ULK4: variants seen among roughly 807,000 people sequenced by gnomAD.
ULK4 encodes the protein inactive serine/threonine-protein kinase ULK4.
A neutral mutation model predicts 160.6 loss-of-function variants in ULK4; 133 were observed. The observed-to-expected ratio is 0.83, with a 90% CI of 0.72 to 0.96. ULK4 has a LOEUF of 0.96. Ranked by LOEUF, ULK4 falls within the 40% of genes least tolerant of loss-of-function variation. ULK4 has a pLI of 0.00. For synonymous variants in ULK4, 534 were observed against 539.8 expected, an observed-to-expected ratio of 0.99 and a Z score of 0.15; for missense variants, 1,580 against 1,499.5, an observed-to-expected ratio of 1.05 and a Z score of -0.89.
At chr3:41,830,405 C>G (rs1257247052) in intron 18 of ULK4, among the ~76,000 whole-genome samples, 3 of 151,744 alleles carry the variant, frequency 2.0e-5, no homozygotes, top group Admixed American at 2.0e-4. Context: ...AAAACGAAAA[C>G]AAGTCTATAT....
intron 31 of ULK4, among the ~76,000 whole-genome samples, chr3:41,597,809 T>A (rs1044825218): frequency 6.6e-6 from 1 of 152,190 alleles, no homozygotes; most frequent in African/African-American, 2.4e-5. Flanking sequence ...AGAGATTTTT[T>A]GGGAGGGGAG....
chr3:41,946,296 C>T (rs749296433), intron 2 of ULK4, among the ~76,000 whole-genome samples: 2 of 152,128 alleles, frequency 1.3e-5, no homozygotes, highest in Non-Finnish European at 2.9e-5. Flanking sequence ...CAAAAAAGTA[C>T]ATACCATAGG....
chr3:41,251,472 G>T (rs2078741531), intron 35 of ULK4, among the ~76,000 whole-genome samples: 1 of 152,174 alleles, frequency 6.6e-6, no homozygotes, highest in Non-Finnish European at 1.5e-5. Flanking sequence ...AATAGGAGAG[G>T]ACACTGAATT....
intron 22 of ULK4, among the ~76,000 whole-genome samples, chr3:41,736,686 C>G (rs1277825203): frequency 1.3e-5 from 2 of 151,166 alleles, no homozygotes; most frequent in Admixed American, 6.6e-5. Context: ...TGCAGAAGCT[C>G]TTTAGTTTAA....
intron 25 of ULK4, among the ~76,000 whole-genome samples, chr3:41,710,613 G>A (rs995077318): frequency 6.6e-6 from 1 of 151,976 alleles, no homozygotes; most frequent in Non-Finnish European, 1.5e-5. Context: ...GGCCAACATG[G>A]TGAAACCCCA....
chr3:41,435,863 A>C (rs6784901), intron 34 of ULK4, among the ~76,000 whole-genome samples: 80,649 of 151,922 alleles, frequency 0.53, 21,834 homozygotes, highest in East Asian at 0.69. Flanking sequence ...AGGAGAATCA[A>C]TTGAACTCTG....
chr3:41,393,402 C>G (rs990210172), intron 35 of ULK4, among the ~76,000 whole-genome samples: 4 of 152,142 alleles, frequency 2.6e-5, no homozygotes, highest in South Asian at 2.1e-4. Context: ...TGGCCCATGT[C>G]TTATGTCTTC....
intron 17 of ULK4, among the ~76,000 whole-genome samples, chr3:41,839,498 A>C (rs2041850934): frequency 6.6e-6 from 1 of 150,572 alleles, no homozygotes; most frequent in Admixed American, 6.6e-5. Flanking sequence ...ATTTTAAAAA[A>C]TGATAAAACT....
intron 32 of ULK4, among the ~76,000 whole-genome samples, chr3:41,480,859 A>G (rs2084300721): frequency 6.6e-6 from 1 of 152,102 alleles, no homozygotes. Flanking sequence ...GAAGGGGGTA[A>G]GGCCTCTTAT....
intron 32 of ULK4, among the ~76,000 whole-genome samples, chr3:41,565,089 G>A (rs555199167): frequency 6.6e-6 from 1 of 152,254 alleles, no homozygotes; most frequent in Admixed American, 6.5e-5. Flanking sequence ...CGGGCAATAG[G>A]CAATAAATAC....
At chr3:41,768,146 G>C (rs964074243) in intron 21 of ULK4, among the ~76,000 whole-genome samples, 1 of 152,142 alleles carries the variant, frequency 6.6e-6, no homozygotes, top group African/African-American at 2.4e-5. Flanking sequence ...GATCTTCTGA[G>C]TTGGAACAGT....
At chr3:41,642,523 CATT>C (rs2034263325) in intron 30 of ULK4, among the ~76,000 whole-genome samples, 1 of 152,154 alleles carries the variant, frequency 6.6e-6, no homozygotes, top group Admixed American at 6.6e-5. Flanking sequence ...ATGAACTCAT[CATT>C]TTTTATGGCT....
intron 18 of ULK4, among the ~76,000 whole-genome samples, chr3:41,831,012 T>TTTA (rs1553666492): frequency 0.081 from 7,900 of 96,944 alleles, 698 homozygotes; most frequent in African/African-American, 0.31. Flanking sequence ...TTATTATTTT[T>TTTA]TTTATTTATT....
chr3:41,568,794 C>T (rs373105687), intron 31 of ULK4, among the ~76,000 whole-genome samples: 1 of 152,166 alleles, frequency 6.6e-6, no homozygotes, highest in Admixed American at 6.5e-5. Context: ...TTCAACTCCA[C>T]AAAATCTACC....
At chr3:41,649,481 C>G (rs138553116) in intron 30 of ULK4, among the ~76,000 whole-genome samples, 2 of 152,168 alleles carry the variant, frequency 1.3e-5, no homozygotes, top group African/African-American at 4.8e-5. Flanking sequence ...GCCACCCCTA[C>G]GCTCAGAAGT....
rs1294814979 is a variant in ULK4, at chr3:41,712,252, T to C, written c.2634+2985A>G. ...CCATGCCCTAGTGCCATTATAAAAATGAAGTCAATGGGAAGCACAGTTCCA... is the reference window on the plus strand; with the variant it reads ...CCATGCCCTAGTGCCATTATAAAAACGAAGTCAATGGGAAGCACAGTTCCA... On this transcript the variant is annotated intron_variant, in intron 25 of 36. Transcript: ENST00000301831. Among the ~76,000 whole-genome samples the C allele has an allele frequency of 2.0e-5, 3 of 152,284 alleles. No individual in the cohort carries two copies. The East Asian group carries it at 5.8e-4, about 29-fold the overall frequency.
Position 41,681,745 on chromosome 3 carries a change from A to C in ULK4, c.2833+8T>G. ...TGATGCAATTCTTGCTGGTGTCATC[A>C]CACTTACCATTTTGGCTTTGAACCA... On this transcript the variant is annotated splice_region_variant and intron_variant, in intron 28 of 36. Coordinates refer to ENST00000301831, the MANE Select transcript of ULK4 (RefSeq NM_017886.4). The C allele has an allele frequency of 6.2e-7, 1 of 1,614,094 alleles. No homozygotes were observed. The highest frequency in any genetic ancestry group is 1.7e-5 in the Admixed American group (1 of 60,002).
intron 27 of ULK4, among the ~76,000 whole-genome samples, chr3:41,699,861 C>A (rs2036614098): frequency 6.6e-6 from 1 of 152,174 alleles, no homozygotes; most frequent in African/African-American, 2.4e-5. Flanking sequence ...AATAATACCT[C>A]TTCTAATAGA....
intron 17 of ULK4, among the ~76,000 whole-genome samples, chr3:41,868,081 G>A (rs770775911): frequency 6.6e-6 from 1 of 152,214 alleles, no homozygotes; most frequent in Non-Finnish European, 1.5e-5. Flanking sequence ...CAAAATAAAG[G>A]TATTGTATAA....
Sources: allele counts gnomAD v4.1 joint callset (sites outside exome capture counted in the v4.1 genomes callset), GRCh38; gene constraint gnomAD v4.1.1; transcripts MANE v1.5; gene names NCBI Gene and HGNC (gene_info 2026-07-23, HGNC 2026-07-21).